The following GPC5 variants were observed in gnomAD, a reference collection of about 807,000 sequenced individuals.
The protein encoded by GPC5 is glypican 5, also known as glypican-5.
In GPC5, 47 loss-of-function variants were observed where a neutral mutation model predicts 53.9. That is an observed-to-expected ratio of 0.87 (90% confidence interval 0.69 to 1.11). The LOEUF (loss-of-function observed/expected upper bound fraction) is 1.11, where lower values mean the gene tolerates loss of function less well. Ranked by LOEUF, GPC5 falls within the 50% of genes most tolerant of loss-of-function variation. The pLI, the probability that GPC5 is intolerant of heterozygous loss-of-function variation, is 0.00. For missense variants in GPC5, 748 were observed against 713.1 expected, an observed-to-expected ratio of 1.05 and a Z score of -0.56; for synonymous variants, 286 against 263.3, an observed-to-expected ratio of 1.09 and a Z score of -0.84.
intron 2 of GPC5, among the ~76,000 whole-genome samples, chr13:91,554,311 G>A (rs1469411443): frequency 6.6e-6 from 1 of 151,478 alleles, no homozygotes; most frequent in African/African-American, 2.4e-5. Context: ...CAGACACAGA[G>A]ACTCAACACA....
intron 2 of GPC5, among the ~76,000 whole-genome samples, chr13:91,554,566 A>G (rs1342100216): frequency 6.6e-6 from 1 of 152,092 alleles, no homozygotes; most frequent in African/African-American, 2.4e-5. Context: ...GAATCCACAG[A>G]TCTGTACATA....
intron 7 of GPC5, among the ~76,000 whole-genome samples, chr13:92,825,256 C>G (rs990779280): frequency 6.6e-6 from 1 of 151,992 alleles, no homozygotes; most frequent in Non-Finnish European, 1.5e-5. Flanking sequence ...TTAGACAGTA[C>G]GACATTTCAT....
chr13:91,899,107 A>G (rs1026466484), intron 5 of GPC5, among the ~76,000 whole-genome samples: 3 of 152,164 alleles, frequency 2.0e-5, no homozygotes, highest in African/African-American at 7.2e-5. Context: ...CCTTCATAAT[A>G]AACTAGCCCT....
At chr13:91,432,203 CTGTGTGTGTGTGTGTG>C (rs757953581) in intron 1 of GPC5, among the ~76,000 whole-genome samples, 8 of 136,354 alleles carry the variant, frequency 5.9e-5, no homozygotes, top group Non-Finnish European at 9.5e-5. Flanking sequence ...GCTGCTGCTG[CTGTGTGTGTGTGTGTG>C]TGTGTGTGTG....
intron 5 of GPC5, among the ~76,000 whole-genome samples, chr13:91,779,469 T>A (rs2138716877): frequency 6.6e-6 from 1 of 152,212 alleles, no homozygotes; most frequent in South Asian, 2.1e-4. Context: ...CAGGTGATCC[T>A]CCCACCTCAG....
chr13:92,318,291 G>T (rs1480525118), intron 7 of GPC5, among the ~76,000 whole-genome samples: 2 of 152,096 alleles, frequency 1.3e-5, no homozygotes, highest in East Asian at 1.9e-4. Context: ...CACCTGAATT[G>T]CAGTGTTTGC....
chr13:91,594,705 G>A (rs1404172013), intron 2 of GPC5, among the ~76,000 whole-genome samples: 1 of 151,906 alleles, frequency 6.6e-6, no homozygotes, highest in Non-Finnish European at 1.5e-5. Flanking sequence ...TTGAGACAGG[G>A]TCTCACCCTG....
intron 7 of GPC5, among the ~76,000 whole-genome samples, chr13:92,682,914 A>G (rs1887151119): frequency 6.6e-6 from 1 of 152,198 alleles, no homozygotes; most frequent in Non-Finnish European, 1.5e-5. Context: ...GAAATGCAAG[A>G]CAAAGCTCTT....
chr13:91,997,605 G>A (rs553192159), intron 6 of GPC5, among the ~76,000 whole-genome samples: 27 of 152,184 alleles, frequency 1.8e-4, no homozygotes, highest in Non-Finnish European at 3.7e-4. Flanking sequence ...TGCAACCTCC[G>A]CCTCCCAGGT....
chr13:91,738,236 C>G (rs2036855442), intron 4 of GPC5, among the ~76,000 whole-genome samples: 1 of 151,408 alleles, frequency 6.6e-6, no homozygotes, highest in Admixed American at 6.6e-5. Flanking sequence ...AGCAGGTTTT[C>G]AGAGCCTTTC....
In GPC5 at chr13:92,622,638, C is replaced by T. The variant is rs1260800165; in HGVS notation, c.1562-243644C>T. ...GAGTGCTGTGGTGCAGTCTCAGCTC[C>T]ACTGTAGTCTTGAACTCTTGGGCTC... On this transcript the variant is annotated intron_variant, in intron 7 of 7. Transcript: ENST00000377067. Among the ~76,000 whole-genome samples, 4 of 152,060 alleles carry T rather than the reference C, an allele frequency of 2.6e-5. No homozygotes were observed. In the East Asian group the frequency reaches 7.8e-4, roughly 30 times the overall value.
rs189903209 is a variant in GPC5, at chr13:92,357,688, C to T, written c.1561+212699C>T. ...GGTCTAAGGAAACTTAATATCAGGG[C>T]GAAAGGCGAAGAGGAAGGAGGCACA... On this transcript the variant is annotated intron_variant, in intron 7 of 7. Coordinates refer to ENST00000377067, the MANE Select transcript of GPC5 (RefSeq NM_004466.6). Among the ~76,000 whole-genome samples, 11 of 151,276 alleles carry T rather than the reference C, an allele frequency of 7.3e-5. No homozygotes were observed. The East Asian group carries it at 7.8e-4, about 11-fold the overall frequency.
intron 7 of GPC5, among the ~76,000 whole-genome samples, chr13:92,852,726 G>A (rs1878857369): frequency 6.6e-6 from 1 of 152,108 alleles, no homozygotes; most frequent in Non-Finnish European, 1.5e-5. Flanking sequence ...ATGAGCCACT[G>A]TGCCTGGTCC....
intron 6 of GPC5, among the ~76,000 whole-genome samples, chr13:92,137,381 G>C (rs761838284): frequency 5.3e-5 from 8 of 152,156 alleles, no homozygotes; most frequent in Admixed American, 1.3e-4. Flanking sequence ...TTTATAATTA[G>C]GTAGACGCAA....
intron 2 of GPC5, among the ~76,000 whole-genome samples, chr13:91,684,178 C>T (rs1376584975): frequency 6.6e-6 from 1 of 152,098 alleles, no homozygotes; most frequent in Non-Finnish European, 1.5e-5. Context: ...GCTGGTTACT[C>T]TTCTTTTCCC....
chr13:91,776,332 A>G (rs2037710372), intron 5 of GPC5, among the ~76,000 whole-genome samples: 1 of 152,190 alleles, frequency 6.6e-6, no homozygotes, highest in Non-Finnish European at 1.5e-5. Context: ...GGCTGTGATT[A>G]TAAAGGTGGA....
At chr13:91,443,002 C>T (rs796279753) in intron 1 of GPC5, among the ~76,000 whole-genome samples, 12 of 152,150 alleles carry the variant, frequency 7.9e-5, no homozygotes, top group African/African-American at 2.9e-4. Context: ...TATAATCTTC[C>T]CTCATCATCC....
At chr13:92,782,444 G>A (rs1246815109) in intron 7 of GPC5, among the ~76,000 whole-genome samples, 1 of 152,120 alleles carries the variant, frequency 6.6e-6, no homozygotes, top group Admixed American at 6.6e-5. Context: ...CAAGGGACTG[G>A]ATAGTGGCAC....
chr13:91,520,706 A>G (rs560066689), intron 2 of GPC5, among the ~76,000 whole-genome samples: 3 of 150,714 alleles, frequency 2.0e-5, no homozygotes, highest in East Asian at 1.9e-4. Flanking sequence ...ATGTATATAT[A>G]TGTGTGTGTG....
Sources: allele counts gnomAD v4.1 joint callset (sites outside exome capture counted in the v4.1 genomes callset), GRCh38; gene constraint gnomAD v4.1.1; transcripts MANE v1.5; gene names NCBI Gene and HGNC (gene_info 2026-07-23, HGNC 2026-07-21).